Variants in FBXO46 observed in about 807,000 individuals in gnomAD.
FBXO46 encodes the protein F-box protein 46.
In FBXO46, 13 loss-of-function variants were observed where a neutral mutation model predicts 30.7. The ratio of observed to expected loss-of-function variants is 0.42; its 90% CI spans 0.28 to 0.67. The LOEUF (loss-of-function observed/expected upper bound fraction) is 0.67. Among genes scored for constraint, FBXO46 ranks in the 30% least tolerant of loss-of-function variants. The probability of loss-of-function intolerance (pLI) is 0.21; values close to 1 mark genes in which losing one functional copy is unlikely to be tolerated. For synonymous variants in FBXO46, 467 were observed against 385.8 expected, an observed-to-expected ratio of 1.21 and a Z score of -2.47; for missense variants, 754 against 871.5, an observed-to-expected ratio of 0.87 and a Z score of 1.70.
At chr19:45,732,809 C>T (rs1344412627), upstream of FBXO46, among the ~76,000 whole-genome samples, 4 of 152,014 alleles carry the variant, frequency 2.6e-5, no homozygotes, top group East Asian at 5.8e-4. Context: ...CCAGGCTGGT[C>T]TGGAACTCCT....
At chr19:45,716,490 CTCAG>C (rs1373980766) in intron 1 of FBXO46, 3 of 152,244 alleles carry the variant, frequency 2.0e-5, no homozygotes, top group Non-Finnish European at 2.9e-5. Flanking sequence ...AGGGCCGAAT[CTCAG>C]TCAATCTCTC....
At position 45,714,358 on chromosome 19, in the gene FBXO46, T is replaced by G. The variant is rs538283878; in HGVS notation, c.-78-785A>C. 9 of 152,150 alleles carry G rather than the reference T, an allele frequency of 5.9e-5. No homozygotes were observed. In the East Asian group the frequency reaches 1.7e-3, roughly 29 times the overall value. The allele number at this position is 152,150 out of a possible 1,614,324, so 9.4% of individuals were successfully genotyped here. A position where few individuals can be genotyped will look rare whatever the true frequency, so the allele number is the denominator to read the frequency against. ...TCTGAGGTCAGATTCAGACAAGCAC[T>G]TAAGAAATCGGCTTTTCTTTTTTTT... On this transcript the variant is annotated intron_variant, in intron 1 of 1. Coordinates refer to ENST00000317683, the MANE Select transcript of FBXO46 (RefSeq NM_001080469.2).
chr19:45,731,756 GC>G (rs949965576), upstream of FBXO46, among the ~76,000 whole-genome samples: 2 of 152,084 alleles, frequency 1.3e-5, no homozygotes, highest in African/African-American at 4.8e-5. Context: ...GAGGCAGTGA[GC>G]TAGTGTTACA....
intron 1 of FBXO46, among the ~76,000 whole-genome samples, chr19:45,729,479 T>C (rs1400466147): frequency 6.6e-6 from 1 of 152,226 alleles, no homozygotes; most frequent in Admixed American, 6.5e-5. Flanking sequence ...AGCAAGTAAA[T>C]GGCAGAACTA....
upstream of FBXO46, among the ~76,000 whole-genome samples, chr19:45,732,297 G>A (rs1174272452): frequency 6.6e-6 from 1 of 151,896 alleles, no homozygotes; most frequent in Non-Finnish European, 1.5e-5. Context: ...AATTTATAAG[G>A]CAGAAAGAGA....
chr19:45,711,537 C>T lies in FBXO46; in HGVS notation c.*147G>A, dbSNP rs1438052374. 2 of 733,274 alleles carry T rather than the reference C, an allele frequency of 2.7e-6. No individual in the cohort carries two copies. The highest frequency in any genetic ancestry group is 2.4e-6 in the Non-Finnish European group (1 of 413,830). 45.4% of individuals were successfully genotyped at this position (733,274 alleles called of 1,614,324 possible). ...TCAAGCAGAGGGCTTTCCTGGGTCA[C>T]CCCTGCTGAACCCCAGCTCAGTTCC... On this transcript the variant is annotated 3_prime_UTR_variant, in exon 2 of 2. Transcript: ENST00000317683.
At chr19:45,731,286 C>T (rs1420678167), upstream of FBXO46, among the ~76,000 whole-genome samples, 1 of 150,420 alleles carries the variant, frequency 6.6e-6, no homozygotes, top group East Asian at 2.0e-4. Context: ...GCTCCTTGTG[C>T]TTTTCCAAAC....
chr19:45,713,694 G>T lies in FBXO46; in HGVS notation c.-78-121C>A, dbSNP rs537882025. 9 of 506,762 alleles carry T rather than the reference G, an allele frequency of 1.8e-5. No homozygotes were observed. The highest frequency in any genetic ancestry group is 3.2e-5 in the Non-Finnish European group (9 of 284,612). 31.4% of individuals were successfully genotyped at this position (506,762 alleles called of 1,614,324 possible). A position where few individuals can be genotyped will look rare whatever the true frequency, so the allele number is the denominator to read the frequency against. ...TCAAGAACTCTATTCCTGGCTGGGCGCGGTGGCTCACGCCTGTAATCCCAG... is the reference window on the plus strand; with the variant it reads ...TCAAGAACTCTATTCCTGGCTGGGCTCGGTGGCTCACGCCTGTAATCCCAG... On this transcript the variant is annotated intron_variant, in intron 1 of 1. Coordinates refer to ENST00000317683, the MANE Select transcript of FBXO46 (RefSeq NM_001080469.2). This position sits in a 1 kb window ranked among gnomAD's most constrained non-coding sequence, Gnocchi z 4.7.
At chr19:45,726,782 AGC>A (rs1968245299) in intron 1 of FBXO46, among the ~76,000 whole-genome samples, 1 of 152,174 alleles carries the variant, frequency 6.6e-6, no homozygotes, top group Admixed American at 6.6e-5. Flanking sequence ...CAAGATTATA[AGC>A]ATGAGCCACC....
chr19:45,717,290 A>C (rs759475985), intron 1 of FBXO46: 2 of 152,016 alleles, frequency 1.3e-5, no homozygotes, highest in East Asian at 3.9e-4. Flanking sequence ...GCGGCGGGAG[A>C]AGGCTGCAGC....
chr19:45,716,690 T>C (rs1278169624), intron 1 of FBXO46: 1 of 127,964 alleles, frequency 7.8e-6, no homozygotes, highest in African/African-American at 3.2e-5. Context: ...ATAAAAATGT[T>C]TCACAAAGCC....
At chr19:45,724,583 G>A (rs1968213502) in intron 1 of FBXO46, among the ~76,000 whole-genome samples, 1 of 151,986 alleles carries the variant, frequency 6.6e-6, no homozygotes, top group Non-Finnish European at 1.5e-5. Context: ...GAAGTGGGAG[G>A]ATCACTTGAG....
intron 1 of FBXO46, among the ~76,000 whole-genome samples, chr19:45,726,332 C>G (rs940849756): frequency 2.0e-5 from 3 of 151,904 alleles, no homozygotes; most frequent in Admixed American, 6.6e-5. Flanking sequence ...GGAGACAGAG[C>G]AAGACTCCAT....
rs1052756203 is a variant in FBXO46 at position 45,728,573 on chromosome 19, C to T, written c.-79+2276G>A. On this transcript the variant is annotated intron_variant, in intron 1 of 1. Coordinates refer to ENST00000317683, the MANE Select transcript of FBXO46 (RefSeq NM_001080469.2). The stretch of plus-strand genomic sequence containing the variant: ...GCCCAGGGCCAGGCGTGGTGGCTCA[C>T]GCCTGCAATCCCAACACTTTTGGAG... Among the ~76,000 whole-genome samples, 10 of 152,156 alleles carry T rather than the reference C, an allele frequency of 6.6e-5. No individual in the cohort carries two copies. In the East Asian group the frequency reaches 1.3e-3, roughly 21 times the overall value.
Position 45,712,924 on chromosome 19 carries a change from G to A in FBXO46, c.572C>T (p.Pro191Leu). Residue 191 changes from proline (P) to leucine (L), a missense_variant, in exon 2 of 2, where the codon CCA becomes CTA. By Grantham distance (98) the Pro-to-Leu change is moderately conservative. Around this residue, in one of 5 missense-constraint regions of FBXO46, gnomAD observed 454 missense variants for 426.5 expected, o/e 1.06. Coordinates refer to ENST00000317683, the MANE Select transcript of FBXO46 (RefSeq NM_001080469.2). The surrounding 1 kb of genome is among the most constrained non-coding windows in gnomAD (Gnocchi z 8.8). ...TACAGGCGCTGGGGTGGTCGGTCGT[G>A]GGTAGCTCTGCAGGGCCAGGGCTGC... The part of the protein sequence containing the change: ...QRAALALQSY[P>L]RPTTPAPVVF... The A allele has an allele frequency of 6.2e-7, 1 of 1,606,156 alleles. No homozygotes were observed.
At position 45,711,595 on chromosome 19, in the gene FBXO46, A is replaced by C. The variant is rs1196106916; in HGVS notation, c.*89T>G. ...GATCAATGCTGCCTGGAGTAGGGGA[A>C]TGGGCAGGCGGCCCAGTCCGGACCC... On this transcript the variant is annotated 3_prime_UTR_variant, in exon 2 of 2. Coordinates refer to ENST00000317683, the MANE Select transcript of FBXO46 (RefSeq NM_001080469.2). 21 of 968,854 alleles carry C rather than the reference A, an allele frequency of 2.2e-5. No individual in the cohort carries two copies. Among genetic ancestry groups the C allele is most frequent in the Non-Finnish European group, 3.2e-5 (20 of 630,076 alleles). The allele number at this position is 968,854 out of a possible 1,614,324, so 60.0% of individuals were successfully genotyped here.
intron 1 of FBXO46, among the ~76,000 whole-genome samples, chr19:45,728,833 C>T (rs1224950465): frequency 6.6e-6 from 1 of 151,954 alleles, no homozygotes; most frequent in African/African-American, 2.4e-5. Context: ...GAGCGAGACC[C>T]TGTCTTTAAA....
At chr19:45,714,164 C>T (rs1199590486) in intron 1 of FBXO46, among the ~76,000 whole-genome samples, 1 of 151,904 alleles carries the variant, frequency 6.6e-6, no homozygotes, top group Non-Finnish European at 1.5e-5. Flanking sequence ...TTTAAACTGC[C>T]ATAACTTTTA....
intron 1 of FBXO46, among the ~76,000 whole-genome samples, chr19:45,729,144 T>C (rs1184972511): frequency 7.2e-6 from 1 of 138,576 alleles, no homozygotes; most frequent in Non-Finnish European, 1.6e-5. Context: ...AAAATAAATA[T>C]AGGGCCAGGC....
Sources: gnomAD v4.1 joint callset for allele counts (sites outside exome capture counted in the v4.1 genomes callset) on GRCh38, gnomAD v4.1.1 for gene constraint, gnomAD v4.1.1 regional missense constraint, Gnocchi (gnomAD v3.1) non-coding constraint, MANE v1.5 for transcripts, NCBI Gene and HGNC (gene_info 2026-07-23, HGNC 2026-07-21) for gene names.